The following HMGXB3 variants were observed in gnomAD, a reference collection of about 807,000 sequenced individuals.
HMGXB3 encodes HMG-box containing 3, also known as HMG domain-containing protein 3.
Under a neutral mutation model 121.5 loss-of-function variants are expected in HMGXB3, and 45 were observed. The observed-to-expected ratio is 0.37, with a 90% CI of 0.29 to 0.47. The LOEUF (loss-of-function observed/expected upper bound fraction) is 0.47, where lower values mean the gene tolerates loss of function less well. Among genes scored for constraint, HMGXB3 ranks in the 20% least tolerant of loss-of-function variants. The pLI is 0.99. For missense variants in HMGXB3, 1,376 were observed against 1,602.2 expected (o/e 0.86, Z 2.41); for synonymous variants, 590 against 624.1 (o/e 0.95, Z 0.81).
Position 150,051,871 on chromosome 5 carries a change from TG to T in HMGXB3, c.3561del (p.His1188ThrfsTer120). On this transcript the variant is annotated frameshift_variant, in exon 20 of 20. Transcript: ENST00000502717. LOFTEE classifies it high-confidence loss of function. ...LQPNPGDPSA[G>X]HHSLALCPEL... Reference sequence around the variant, plus strand: ...AGCCCAATCCTGGTGACCCCAGTGCTGGGCACCACTCCTTGGCCCTGTGCCC... The same window carrying T: ...AGCCCAATCCTGGTGACCCCAGTGCTGGCACCACTCCTTGGCCCTGTGCCC... 1.3e-6 allele frequency: 2 copies of T among 1,551,394 alleles called. No homozygotes were observed. Among genetic ancestry groups the T allele is most frequent in the Non-Finnish European group, 1.7e-6 (2 of 1,147,102 alleles).
Position 150,027,009 on chromosome 5 carries a change from G to C in HMGXB3, c.1637-11G>C, listed in dbSNP as rs1302220603. ...CACTTAAGTCACCAGTTTGGCTCCT[G>C]GTTCTCTCAGATAAGACTCCCTCTG... On this transcript the variant is annotated splice_polypyrimidine_tract_variant and intron_variant, in intron 8 of 19. Coordinates refer to ENST00000502717, the MANE Select transcript of HMGXB3 (RefSeq NM_014983.3). The C allele has an allele frequency of 2.6e-6, 4 of 1,551,228 alleles. No individual in the cohort carries two copies. In the African/African-American group the frequency reaches 4.1e-5, roughly 16 times the overall value.
intron 3 of HMGXB3, among the ~76,000 whole-genome samples, chr5:150,008,368 T>G (rs1755757069): frequency 6.6e-6 from 1 of 152,216 alleles, no homozygotes; most frequent in Admixed American, 6.5e-5. Context: ...GGCAGTAGTC[T>G]CTTCTCATAA....
At chr5:150,016,057 G>A (rs1356762836) in intron 5 of HMGXB3, among the ~76,000 whole-genome samples, 1 of 152,064 alleles carries the variant, frequency 6.6e-6, no homozygotes, top group African/African-American at 2.4e-5. Context: ...ATAAGAGAAG[G>A]CATCTGGCCG....
intron 11 of HMGXB3, among the ~76,000 whole-genome samples, chr5:150,035,631 C>T (rs553427774): frequency 1.5e-4 from 23 of 151,922 alleles, no homozygotes; most frequent in Non-Finnish European, 2.6e-4. Context: ...CTTACTGAAG[C>T]GGGGAGGGTG....
intron 7 of HMGXB3, among the ~76,000 whole-genome samples, chr5:150,025,740 G>A (rs1756214268): frequency 6.6e-6 from 1 of 150,994 alleles, no homozygotes; most frequent in Non-Finnish European, 1.5e-5. Context: ...GCTAATTTTT[G>A]TATTTTTTTT....
At chr5:150,049,241 C>T (rs1485757589) in intron 18 of HMGXB3, among the ~76,000 whole-genome samples, 1 of 152,202 alleles carries the variant, frequency 6.6e-6, no homozygotes, top group East Asian at 1.9e-4. Context: ...ACATAGAGCT[C>T]TCTAGGCCAG....
rs911812067 is a variant in HMGXB3, at chr5:150,052,222, C to T, written c.*30C>T. On this transcript the variant is annotated 3_prime_UTR_variant, in exon 20 of 20. Coordinates refer to ENST00000502717, the MANE Select transcript of HMGXB3 (RefSeq NM_014983.3). ...GGCTGTTGTACAGGGACTACACCATCTCTCAAGCCATAGTAAGGCCCTTGC... is the reference window on the plus strand; with the variant it reads ...GGCTGTTGTACAGGGACTACACCATTTCTCAAGCCATAGTAAGGCCCTTGC... 3 of 1,479,740 alleles carry T rather than the reference C, an allele frequency of 2.0e-6. No individual in the cohort carries two copies. The African/African-American group carries it at 4.2e-5, about 21-fold the overall frequency. 91.7% of individuals were successfully genotyped at this position (1,479,740 alleles called of 1,614,324 possible).
chr5:150,012,424 CTT>C (rs1561854014), intron 5 of HMGXB3, 71 bp downstream of exon 5: 1 of 1,068,202 alleles, frequency 9.4e-7, no homozygotes, highest in Non-Finnish European at 1.4e-6. Flanking sequence ...GTAGATTTGT[CTT>C]TTTTTCTTTC....
intron 12 of HMGXB3, 53 bp from the exon 13 acceptor site, chr5:150,037,347 T>TA: frequency 6.8e-7 from 1 of 1,461,120 alleles, no homozygotes; most frequent in Non-Finnish European, 9.1e-7. Context: ...TGGAACTCCA[T>TA]AAAGAAGTCT....
chr5:150,016,340 CA>C (rs34992392), intron 5 of HMGXB3, among the ~76,000 whole-genome samples: 36,247 of 92,710 alleles, frequency 0.39, 3,846 homozygotes, highest in East Asian at 0.49. Flanking sequence ...GACTCTGTCT[CA>C]AAAAAAAAAA....
At position 150,041,964 on chromosome 5, in the gene HMGXB3, G is replaced by A. The variant is rs374063819; in HGVS notation, c.2725G>A (p.Val909Met). The A allele has an allele frequency of 7.4e-5, 115 of 1,550,414 alleles. No individual in the cohort carries two copies. The highest frequency in any genetic ancestry group is 5.7e-4 in the South Asian group (48 of 84,020). ...AGAGAATGTGCTAGCACTGAAGAGC[G>A]TGGAGGTAAGTGCCTCTTAGCCACC... ...SEENVLALKS[V>M]EFTWPEFLGS... Residue 909 changes from valine (V) to methionine (M), a missense_variant, in exon 15 of 20, where the codon GTG (valine) becomes ATG (methionine). By Grantham distance (21) the Val-to-Met change is conservative (BLOSUM62 1). This residue lies in a region of HMGXB3 where 1,116 missense variants were observed against 1,369.0 expected (regional missense o/e 0.82). Coordinates refer to ENST00000502717, the MANE Select transcript of HMGXB3 (RefSeq NM_014983.3).
At chr5:150,030,664 C>G in intron 9 of HMGXB3, 77 bp from the exon 10 acceptor site, 1 of 1,073,120 alleles carries the variant, frequency 9.3e-7, no homozygotes. Flanking sequence ...AGCATTCCCT[C>G]AAGTCGTTTC....
chr5:150,036,588 G>A, intron 11 of HMGXB3, 48 bp from the exon 12 acceptor site: 1 of 1,449,632 alleles, frequency 6.9e-7, no homozygotes, highest in Non-Finnish European at 9.2e-7. Flanking sequence ...GCCTGAAGCT[G>A]GCTCTTTCTG....
chr5:150,012,544 G>C (rs1412792975), intron 5 of HMGXB3, among the ~76,000 whole-genome samples, 191 bp downstream of exon 5: 1 of 152,192 alleles, frequency 6.6e-6, no homozygotes, highest in South Asian at 2.1e-4. Flanking sequence ...TTCTTAATGG[G>C]GGTGAGGGGG....
chr5:150,024,466 G>C lies in HMGXB3; in HGVS notation c.1246G>C (p.Glu416Gln). 2 of 1,551,734 alleles carry C rather than the reference G, an allele frequency of 1.3e-6. No homozygotes were observed. The highest frequency in any genetic ancestry group is 1.7e-6 in the Non-Finnish European group (2 of 1,146,996). The change falls in exon 7 of 20, where the codon GAG (glutamate) becomes CAG (glutamine). Residue 416 changes from glutamate (E) to glutamine (Q), a missense_variant. Around this residue, in one of 2 missense-constraint regions of HMGXB3, gnomAD observed 1,116 missense variants for 1,369.0 expected, o/e 0.82. Coordinates refer to ENST00000502717, the MANE Select transcript of HMGXB3 (RefSeq NM_014983.3). ...AGAAGTAGGTGAGGAGAGTGAGTGG[G>C]AGGAAGTGATCATCTCCGATGCCCA... is the stretch of plus-strand genomic sequence containing the variant. ...PREVGEESEW[E>Q]EVIISDAHVL...
Position 150,004,931 on chromosome 5 carries a change from G to A in HMGXB3, c.79G>A (p.Gly27Arg). Residue 27 changes from glycine (G) to arginine (R), a missense_variant, in exon 2 of 20, where the codon GGG (glycine) becomes AGG (arginine). Coordinates refer to ENST00000502717, the MANE Select transcript of HMGXB3 (RefSeq NM_014983.3). Reference protein sequence around the residue: ...IEEAYCYTSPGPPKKKKKYKI... With the variant: ...IEEAYCYTSPRPPKKKKKYKI... ...GGAAGCCTATTGTTACACCTCTCCT[G>A]GGCCACCCAAGAAGAAGAAAAAGTA... is the stretch of plus-strand genomic sequence containing the variant. 1 of 1,551,702 alleles carries A rather than the reference G, an allele frequency of 6.4e-7. No homozygotes were observed. Among genetic ancestry groups the A allele is most frequent in the Non-Finnish European group, 8.7e-7 (1 of 1,146,930 alleles).
intron 4 of HMGXB3, among the ~76,000 whole-genome samples, chr5:150,011,497 C>G (rs1044881624): frequency 6.6e-6 from 1 of 152,130 alleles, no homozygotes; most frequent in Non-Finnish European, 1.5e-5. Flanking sequence ...AACAAGTACC[C>G]CTGCAATCTG....
chr5:150,002,581 C>G (rs1755599785), intron 1 of HMGXB3, among the ~76,000 whole-genome samples: 1 of 152,210 alleles, frequency 6.6e-6, no homozygotes, highest in African/African-American at 2.4e-5. Flanking sequence ...GTTATTTCCT[C>G]TTGTAAAATT....
intron 5 of HMGXB3, chr5:150,014,962 TG>T: frequency 1.1e-6 from 1 of 947,060 alleles, no homozygotes; most frequent in Non-Finnish European, 1.4e-6. Flanking sequence ...CTCTTAAAAA[TG>T]GGAAAATTTC....
Sources: allele counts gnomAD v4.1 joint callset (sites outside exome capture counted in the v4.1 genomes callset), GRCh38; gene constraint gnomAD v4.1.1; regional missense constraint gnomAD v4.1.1; transcripts MANE v1.5; gene names NCBI Gene and HGNC (gene_info 2026-07-23, HGNC 2026-07-21).